Variants in DPYD observed in about 807,000 individuals in gnomAD.
The protein encoded by DPYD is dihydropyrimidine dehydrogenase [NADP(+)].
In DPYD, 109 loss-of-function variants were observed where a neutral mutation model predicts 116.2. The ratio of observed to expected loss-of-function variants is 0.94; its 90% CI spans 0.80 to 1.10. DPYD has a LOEUF of 1.10. Ranked by LOEUF, DPYD falls within the 50% of genes least tolerant of loss-of-function variation. DPYD has a pLI of 0.00. For missense variants in DPYD, 1,302 were observed against 1,254.5 expected (o/e 1.04, Z -0.57); for synonymous variants, 440 against 432.0 (o/e 1.02, Z -0.23).
intron 18 of DPYD, among the ~76,000 whole-genome samples, chr1:97,281,492 G>A (rs1015124518): frequency 6.6e-6 from 1 of 151,992 alleles, no homozygotes; most frequent in Non-Finnish European, 1.5e-5. Flanking sequence ...ATAACTGATA[G>A]AAGAAACTAG....
chr1:97,288,323 G>A (rs1665878540), intron 18 of DPYD, among the ~76,000 whole-genome samples: 1 of 150,674 alleles, frequency 6.6e-6, no homozygotes, highest in African/African-American at 2.4e-5. Context: ...ACTCAGCTCT[G>A]CACCAAGGGG....
chr1:97,354,098 G>C (rs1670289372), intron 16 of DPYD, among the ~76,000 whole-genome samples: 1 of 152,216 alleles, frequency 6.6e-6, no homozygotes, highest in African/African-American at 2.4e-5. Flanking sequence ...ATTAGCCCTT[G>C]GGTGAGAGCC....
chr1:97,791,328 T>A (rs1342511367), intron 3 of DPYD, among the ~76,000 whole-genome samples: 1 of 152,180 alleles, frequency 6.6e-6, no homozygotes, highest in Non-Finnish European at 1.5e-5. Flanking sequence ...AGTTAAGAAC[T>A]ACTAGACTCA....
intron 18 of DPYD, among the ~76,000 whole-genome samples, chr1:97,242,563 G>A (rs1257913664): frequency 6.6e-6 from 1 of 151,590 alleles, no homozygotes; most frequent in East Asian, 1.9e-4. Flanking sequence ...TAAAGGGATT[G>A]AAGACCTTTC....
intron 13 of DPYD, among the ~76,000 whole-genome samples, chr1:97,481,779 T>C (rs930483240): frequency 2.6e-5 from 4 of 152,186 alleles, no homozygotes; most frequent in East Asian, 3.8e-4. Flanking sequence ...TGTTTCATAA[T>C]TGATAGCTGC....
intron 13 of DPYD, among the ~76,000 whole-genome samples, chr1:97,508,557 C>A (rs1647534859): frequency 6.6e-6 from 1 of 151,932 alleles, no homozygotes; most frequent in Admixed American, 6.6e-5. Context: ...AGCATAGGTG[C>A]CACTCTATAC....
intron 3 of DPYD, 149 bp downstream of exon 3, chr1:97,827,965 C>T: frequency 1.4e-6 from 1 of 737,718 alleles, no homozygotes; most frequent in South Asian, 1.6e-5. Context: ...AACCAAAGTA[C>T]AGCCTCAAGG....
At chr1:97,123,839 T>C (rs933480681) in intron 20 of DPYD, among the ~76,000 whole-genome samples, 12 of 152,108 alleles carry the variant, frequency 7.9e-5, no homozygotes, top group Non-Finnish European at 8.8e-5. Context: ...GTTGCTGCTG[T>C]GTTTCGGCAG....
intron 14 of DPYD, among the ~76,000 whole-genome samples, chr1:97,447,212 T>C (rs993050233): frequency 6.6e-6 from 1 of 152,210 alleles, no homozygotes; most frequent in African/African-American, 2.4e-5. Flanking sequence ...AGCTTTTGCT[T>C]AGAAGCTGCC....
At chr1:97,864,348 G>A (rs1188330805) in intron 2 of DPYD, among the ~76,000 whole-genome samples, 1 of 151,890 alleles carries the variant, frequency 6.6e-6, no homozygotes, top group Non-Finnish European at 1.5e-5. Context: ...CAGAAGGTAT[G>A]AAATCTTAGT....
chr1:97,276,861 T>C lies in DPYD; in HGVS notation c.2299+28398A>G, dbSNP rs188134060. Among the ~76,000 whole-genome samples, 170 of 152,262 alleles carry C rather than the reference T, an allele frequency of 1.1e-3. 1 individual carries two copies. Among genetic ancestry groups the C allele is most frequent in the African/African-American group, 3.7e-3 (154 of 41,566 alleles). On this transcript the variant is annotated intron_variant, in intron 18 of 22. Transcript: ENST00000370192. ...TGCAGCAATCTCATTACTGGGTATATATCCAAAGGGAAATAAATTGTTCTA... is the reference window on the plus strand; with the variant it reads ...TGCAGCAATCTCATTACTGGGTATACATCCAAAGGGAAATAAATTGTTCTA...
intron 3 of DPYD, among the ~76,000 whole-genome samples, chr1:97,761,553 G>T (rs1285027399): frequency 6.6e-6 from 1 of 152,080 alleles, no homozygotes; most frequent in Admixed American, 6.6e-5. Context: ...CTGAGAAAAG[G>T]GAATTCTTAC....
At chr1:97,119,870 G>A (rs1652286567) in intron 20 of DPYD, among the ~76,000 whole-genome samples, 1 of 152,178 alleles carries the variant, frequency 6.6e-6, no homozygotes, top group Admixed American at 6.6e-5. Flanking sequence ...AGCTGAGGGA[G>A]CAGTTTAAAG....
intron 14 of DPYD, among the ~76,000 whole-genome samples, chr1:97,415,468 C>T (rs1017114258): frequency 1.3e-5 from 2 of 152,106 alleles, no homozygotes; most frequent in African/African-American, 2.4e-5. Flanking sequence ...GCTGGGATTA[C>T]AGGCCACCGT....
chr1:97,251,512 A>G (rs1047743998), intron 18 of DPYD, among the ~76,000 whole-genome samples: 4 of 152,150 alleles, frequency 2.6e-5, no homozygotes, highest in African/African-American at 4.8e-5. Flanking sequence ...AGGTAAATCA[A>G]TGTCAACTTA....
chr1:97,719,942 C>A (rs1662826436), intron 5 of DPYD: 1 of 984,834 alleles, frequency 1.0e-6, no homozygotes, highest in Non-Finnish European at 1.2e-6. Context: ...TATGGCAAGA[C>A]CTAAGTGTGA....
chr1:97,118,173 C>T lies in DPYD; in HGVS notation c.2623-19541G>A, dbSNP rs571777326. On this transcript the variant is annotated intron_variant, in intron 20 of 22. Coordinates refer to ENST00000370192, the MANE Select transcript of DPYD (RefSeq NM_000110.4). ...TATTTTTCCTTTTCTTTCGGTTCTT[C>T]CTAAGACTGACCTTGCTGATGCAAG... 2.6e-5 allele frequency among the ~76,000 whole-genome samples: 4 copies of T among 152,034 alleles called. No individual in the cohort carries two copies. In the East Asian group the frequency reaches 7.8e-4, roughly 29 times the overall value.
At chr1:97,433,294 G>A (rs755450569) in intron 14 of DPYD, among the ~76,000 whole-genome samples, 14 of 152,184 alleles carry the variant, frequency 9.2e-5, no homozygotes, top group Non-Finnish European at 1.3e-4. Flanking sequence ...CCCATGAGAC[G>A]GTTGGTTGAT....
At chr1:97,329,746 C>A in intron 16 of DPYD, among the ~76,000 whole-genome samples, 1 of 128,090 alleles carries the variant, frequency 7.8e-6, no homozygotes, top group Non-Finnish European at 1.7e-5. Flanking sequence ...GAGTGAAACT[C>A]CATCTTAAAA....
Sources: allele counts gnomAD v4.1 joint callset (sites outside exome capture counted in the v4.1 genomes callset), GRCh38; gene constraint gnomAD v4.1.1; transcripts MANE v1.5; gene names NCBI Gene and HGNC (gene_info 2026-07-23, HGNC 2026-07-21).